WNT16: variants seen among roughly 807,000 people sequenced by gnomAD.
WNT16 encodes the protein protein Wnt-16.
Under a neutral mutation model 35.4 loss-of-function variants are expected in WNT16, and 20 were observed. The observed-to-expected ratio is 0.56, with a 90% CI of 0.40 to 0.82. The LOEUF (loss-of-function observed/expected upper bound fraction) is 0.82, where lower values mean the gene tolerates loss of function less well. Ranked by LOEUF, WNT16 falls within the 40% of genes least tolerant of loss-of-function variation. The pLI, the probability that WNT16 is intolerant of heterozygous loss-of-function variation, is 0.00. For synonymous variants in WNT16, 180 were observed against 179.2 expected (o/e 1.00, Z -0.03); for missense variants, 461 against 466.0 (o/e 0.99, Z 0.10).
intron 3 of WNT16, among the ~76,000 whole-genome samples, chr7:121,337,666 T>A (rs1584679952): frequency 6.6e-6 from 1 of 152,194 alleles, no homozygotes; most frequent in Non-Finnish European, 1.5e-5. Flanking sequence ...GCTAGCCTGG[T>A]ATGTAAGAGA....
chr7:121,338,293 T>C (rs550783625), intron 3 of WNT16, among the ~76,000 whole-genome samples: 114 of 152,290 alleles, frequency 7.5e-4, no homozygotes, highest in African/African-American at 2.7e-3. Flanking sequence ...GGTTTGAGCA[T>C]TGGTTATTTG....
intron 3 of WNT16, among the ~76,000 whole-genome samples, chr7:121,332,573 T>G (rs1360508530): frequency 6.6e-6 from 1 of 152,200 alleles, no homozygotes; most frequent in African/African-American, 2.4e-5. Flanking sequence ...TAAATCGACT[T>G]TTTAGTGGGC....
At chr7:121,336,866 G>C (rs1414595651) in intron 3 of WNT16, among the ~76,000 whole-genome samples, 1 of 152,142 alleles carries the variant, frequency 6.6e-6, no homozygotes, top group East Asian at 1.9e-4. Flanking sequence ...GGGAGAAACA[G>C]CTTTAAGTCA....
At position 121,339,284 on chromosome 7, in the gene WNT16, G is replaced by A; in HGVS notation, c.1037G>A (p.Trp346Ter). Reference protein sequence around the residue: ...HVERCECKFIWCCYVRCRRCE... With the variant: ...HVERCECKFI Reference sequence around the variant, plus strand: ...GAGAGGTGTGAGTGTAAGTTCATCTGGTGCTGCTATGTCCGTTGCAGGAGG... The same window carrying A: ...GAGAGGTGTGAGTGTAAGTTCATCTAGTGCTGCTATGTCCGTTGCAGGAGG... The change falls in exon 4 of 4, where the codon TGG becomes TAG. Residue 346 changes from tryptophan (W) to a stop codon, truncating the protein, a stop_gained. Coordinates refer to ENST00000222462, the MANE Select transcript of WNT16 (RefSeq NM_057168.2). LOFTEE classifies it high-confidence loss of function. 1 of 1,614,116 alleles carries A rather than the reference G, an allele frequency of 6.2e-7. No homozygotes were observed. Among genetic ancestry groups the A allele is most frequent in the Non-Finnish European group, 8.5e-7 (1 of 1,180,016 alleles).
At chr7:121,338,097 A>G (rs532656963) in intron 3 of WNT16, among the ~76,000 whole-genome samples, 2 of 152,322 alleles carry the variant, frequency 1.3e-5, no homozygotes, top group Non-Finnish European at 2.9e-5. Flanking sequence ...GGGATAGCAT[A>G]GTTCACCACC....
At position 121,334,203 on chromosome 7, in the gene WNT16, C is replaced by G. The variant is rs141466096; in HGVS notation, c.633+2239C>G. Among the ~76,000 whole-genome samples the G allele has an allele frequency of 3.1e-3, 475 of 151,974 alleles. 3 individuals are homozygous for G. Among genetic ancestry groups the G allele is most frequent in the African/African-American group, 0.01 (433 of 41,482 alleles). On this transcript the variant is annotated intron_variant, in intron 3 of 3. Coordinates refer to ENST00000222462, the MANE Select transcript of WNT16 (RefSeq NM_057168.2). Reference sequence around the variant, plus strand: ...TGTGTAAATCTCTGAGTTTTCTCTCCTGAATCATTTTTTTCACATTGTTCA... The same window carrying G: ...TGTGTAAATCTCTGAGTTTTCTCTCGTGAATCATTTTTTTCACATTGTTCA...
At chr7:121,327,857 C>T (rs1280210361), upstream of WNT16, among the ~76,000 whole-genome samples, 1 of 152,216 alleles carries the variant, frequency 6.6e-6, no homozygotes. Flanking sequence ...GGAGACCTTC[C>T]ATCCTACAAA....
At chr7:121,338,781 A>G (rs938787196) in intron 3 of WNT16, 100 bp from the exon 4 acceptor site, 8 of 988,494 alleles carry the variant, frequency 8.1e-6, no homozygotes, top group Non-Finnish European at 1.2e-5. Flanking sequence ...ATTCAAGAGG[A>G]AATAGACCCA....
In WNT16 at chr7:121,329,262, C is replaced by G. The variant is rs1307382115; in HGVS notation, c.-31C>G. Reference sequence around the variant, plus strand: ...CTGGGGAGGGGGTGCAAAAGAGGAGCGGCTGGGCTGGGGGACTCCATGCGG... The same window carrying G: ...CTGGGGAGGGGGTGCAAAAGAGGAGGGGCTGGGCTGGGGGACTCCATGCGG... On this transcript the variant is annotated 5_prime_UTR_variant, in exon 1 of 4. Coordinates refer to ENST00000222462, the MANE Select transcript of WNT16 (RefSeq NM_057168.2). The G allele has an allele frequency of 1.3e-6, 2 of 1,513,228 alleles. No homozygotes were observed. Among genetic ancestry groups the G allele is most frequent in the African/African-American group, 1.4e-5 (1 of 71,996 alleles). 93.7% of individuals were successfully genotyped at this position (1,513,228 alleles called of 1,614,324 possible).
At position 121,339,872 on chromosome 7, in the gene WNT16, A is replaced by G. The variant is rs1793505772; in HGVS notation, c.*527A>G. On this transcript the variant is annotated 3_prime_UTR_variant, in exon 4 of 4. Transcript: ENST00000222462. ...TAGAAGATGTTGAAAAGTTAACATA[A>G]GCATTGGGTGCTGACTTACCCTTTC... The G allele has an allele frequency of 6.1e-6, 1 of 164,850 alleles. No individual in the cohort carries two copies. Among genetic ancestry groups the G allele is most frequent in the South Asian group, 2.0e-4 (1 of 5,022 alleles). The allele number at this position is 164,850 out of a possible 1,614,324, so 10.2% of individuals were successfully genotyped here. A position where few individuals can be genotyped will look rare whatever the true frequency, so the allele number is the denominator to read the frequency against.
intron 3 of WNT16, among the ~76,000 whole-genome samples, chr7:121,332,530 T>C (rs1203213390): frequency 6.6e-6 from 1 of 152,166 alleles, no homozygotes; most frequent in Non-Finnish European, 1.5e-5. Context: ...TCAAATTTCA[T>C]TTCCCCCAAT....
chr7:121,329,842 G>C, intron 2 of WNT16, 25 bp downstream of exon 2: 1 of 1,591,832 alleles, frequency 6.3e-7, no homozygotes, highest in Non-Finnish European at 8.5e-7. Context: ...CTTAGGGGTT[G>C]GTGGGGGACG....
chr7:121,330,386 T>G (rs1325087081), intron 2 of WNT16, among the ~76,000 whole-genome samples: 1 of 152,358 alleles, frequency 6.6e-6, no homozygotes, highest in Non-Finnish European at 1.5e-5. Flanking sequence ...TTCTCGTTTC[T>G]TTGGCTTTTC....
At chr7:121,333,555 A>G (rs1193363002) in intron 3 of WNT16, among the ~76,000 whole-genome samples, 2 of 151,988 alleles carry the variant, frequency 1.3e-5, no homozygotes, top group Non-Finnish European at 2.9e-5. Context: ...TTACATTTAA[A>G]AAAATAAATG....
At chr7:121,327,821 G>A (rs1316937536), upstream of WNT16, among the ~76,000 whole-genome samples, 1 of 152,106 alleles carries the variant, frequency 6.6e-6, no homozygotes, top group Non-Finnish European at 1.5e-5. Context: ...AGCTAAACAC[G>A]TTGCACTTGC....
intron 2 of WNT16, 87 bp downstream of exon 2, chr7:121,329,904 G>C: frequency 2.6e-6 from 4 of 1,521,208 alleles, no homozygotes; most frequent in South Asian, 1.2e-5. Context: ...ATAGTGCTAC[G>C]TGGTCCTGTA....
rs932696808 is a variant in WNT16 at position 121,338,746 on chromosome 7, A to C, written c.634-135A>C. 1.1e-5 allele frequency: 9 copies of C among 791,992 alleles called. 1 individual carries two copies. The African/African-American group carries it at 1.6e-4, about 14-fold the overall frequency. The allele number at this position is 791,992 out of a possible 1,614,324, so 49.1% of individuals were successfully genotyped here. ...TGAAGCCTACGCAATTTTAAAGATT[A>C]TTTACGTTCAAAACCATCATTTTTA... is the stretch of plus-strand genomic sequence containing the variant. On this transcript the variant is annotated intron_variant, in intron 3 of 3. Coordinates refer to ENST00000222462, the MANE Select transcript of WNT16 (RefSeq NM_057168.2).
Position 121,330,290 on chromosome 7 carries a change from C to G in WNT16, c.346+473C>G, listed in dbSNP as rs144082472. ...CACCTTTATTGGCTCCTAGGAGCAC[C>G]GAGTTGACAGAATAATGGTGACTTT... On this transcript the variant is annotated intron_variant, in intron 2 of 3. Coordinates refer to ENST00000222462, the MANE Select transcript of WNT16 (RefSeq NM_057168.2). Among the ~76,000 whole-genome samples, 166 of 152,322 alleles carry G rather than the reference C, an allele frequency of 1.1e-3. 1 individual carries two copies. Among genetic ancestry groups the G allele is most frequent in the Admixed American group, 4.6e-3 (71 of 15,302 alleles).
At chr7:121,325,910 G>A (rs1386537272), upstream of WNT16, among the ~76,000 whole-genome samples, 10 of 151,656 alleles carry the variant, frequency 6.6e-5, no homozygotes, top group East Asian at 1.6e-3. Context: ...ATATAACGGT[G>A]CACACTTGTA....
Sources: allele counts gnomAD v4.1 joint callset (sites outside exome capture counted in the v4.1 genomes callset), GRCh38; gene constraint gnomAD v4.1.1; transcripts MANE v1.5; gene names NCBI Gene and HGNC (gene_info 2026-07-23, HGNC 2026-07-21).